The following RGS6 variants were observed in gnomAD, a reference collection of about 807,000 sequenced individuals.
RGS6 encodes regulator of G protein signaling 6, also known as regulator of G-protein signaling 6.
RGS6 carries 30 observed loss-of-function variants against 78.5 expected under a neutral mutation model. The ratio of observed to expected loss-of-function variants is 0.38; its 90% CI spans 0.29 to 0.52. RGS6 has a LOEUF of 0.52. Among genes scored for constraint, RGS6 ranks in the 20% least tolerant of loss-of-function variants. RGS6 has a pLI of 0.85. For missense variants in RGS6, 495 were observed against 609.7 expected (o/e 0.81, Z 1.98); for synonymous variants, 206 against 206.0 (o/e 1.00, Z 0.00).
rs540336961 is a variant in RGS6, at chr14:72,458,278, A to G, written c.243A>G (p.Ala81=). Residue 81 remains alanine, a synonymous_variant, in exon 5 of 18, where the codon GCA becomes GCG. Coordinates refer to ENST00000553525, the MANE Select transcript of RGS6 (RefSeq NM_001204424.2). ...KNLSIEDPVE[A]IHLGSLIAAQ... Reference sequence around the variant, plus strand: ...TATGCACTGTTCTTACAGTTGAAGCAATACACTTGGGGAGCCTTATCGCTG... The same window carrying G: ...TATGCACTGTTCTTACAGTTGAAGCGATACACTTGGGGAGCCTTATCGCTG... The G allele has an allele frequency of 2.0e-5, 32 of 1,613,076 alleles. No individual in the cohort carries two copies. The East Asian group carries it at 7.1e-4, about 36-fold the overall frequency.
intron 2 of RGS6, among the ~76,000 whole-genome samples, chr14:72,188,267 T>A (rs2097274898): frequency 6.6e-6 from 1 of 152,210 alleles, no homozygotes. Flanking sequence ...AAGTTATGTA[T>A]TTATCAGTTG....
chr14:72,029,797 A>C, intron 2 of RGS6, among the ~76,000 whole-genome samples: 1 of 152,218 alleles, frequency 6.6e-6, no homozygotes, highest in Non-Finnish European at 1.5e-5. Flanking sequence ...AGCTGGAGAC[A>C]GGAAGGTCAA....
intron 11 of RGS6, 121 bp from the exon 12 acceptor site, chr14:72,478,147 G>T: frequency 1.5e-6 from 1 of 680,406 alleles, no homozygotes; most frequent in Non-Finnish European, 2.7e-6. Context: ...GAGGGAGTTG[G>T]AGATGTCTGG....
chr14:72,111,518 A>G (rs979553228), intron 2 of RGS6, among the ~76,000 whole-genome samples: 2 of 152,210 alleles, frequency 1.3e-5, no homozygotes, highest in Non-Finnish European at 2.9e-5. Flanking sequence ...GATGAGTCAT[A>G]TGCCCAATCC....
At chr14:72,466,188 G>T (rs2095906418) in intron 7 of RGS6, among the ~76,000 whole-genome samples, 1 of 152,188 alleles carries the variant, frequency 6.6e-6, no homozygotes, top group Non-Finnish European at 1.5e-5. Context: ...GTGAGATACT[G>T]TTACATACCT....
chr14:72,362,824 T>C (rs1354634798), intron 3 of RGS6, among the ~76,000 whole-genome samples: 3 of 152,170 alleles, frequency 2.0e-5, no homozygotes, highest in African/African-American at 4.8e-5. Flanking sequence ...CATGTTGACA[T>C]TGGGAGACAC....
chr14:72,305,195 T>C (rs1198820268), intron 2 of RGS6, among the ~76,000 whole-genome samples: 7 of 152,264 alleles, frequency 4.6e-5, no homozygotes, highest in African/African-American at 7.2e-5. Flanking sequence ...TTTTCTATGA[T>C]ATGAAGTTGA....
chr14:72,065,843 A>T (rs1255318594), intron 2 of RGS6, among the ~76,000 whole-genome samples: 4 of 151,930 alleles, frequency 2.6e-5, no homozygotes, highest in African/African-American at 9.7e-5. Context: ...ACATATGTAT[A>T]CATGTGCCAT....
intron 13 of RGS6, among the ~76,000 whole-genome samples, chr14:72,495,901 G>A (rs1045353793): frequency 1.3e-5 from 2 of 152,188 alleles, no homozygotes; most frequent in African/African-American, 4.8e-5. Context: ...CCAAAGCCCA[G>A]AGGGACTTGG....
intron 2 of RGS6, among the ~76,000 whole-genome samples, chr14:72,287,270 C>G (rs955811865): frequency 6.6e-6 from 1 of 152,138 alleles, no homozygotes; most frequent in Non-Finnish European, 1.5e-5. Context: ...CAGAGATATT[C>G]TTACTTCTTT....
chr14:72,227,331 A>G (rs2048361944), intron 2 of RGS6, among the ~76,000 whole-genome samples: 1 of 152,252 alleles, frequency 6.6e-6, no homozygotes, highest in South Asian at 2.1e-4. Flanking sequence ...CCCAGGCTGG[A>G]CTTGAACTAC....
chr14:72,311,888 G>C (rs905162064), intron 2 of RGS6, among the ~76,000 whole-genome samples: 1 of 152,186 alleles, frequency 6.6e-6, no homozygotes, highest in Non-Finnish European at 1.5e-5. Context: ...ATTGCAAAGA[G>C]TTCTGCTCCC....
intron 2 of RGS6, among the ~76,000 whole-genome samples, chr14:72,046,364 A>C (rs2092836174): frequency 6.6e-6 from 1 of 152,164 alleles, no homozygotes; most frequent in South Asian, 2.1e-4. Context: ...TGGCAGCCTG[A>C]AACATTTTAT....
At chr14:72,032,830 T>C (rs1325725155) in intron 2 of RGS6, among the ~76,000 whole-genome samples, 1 of 152,204 alleles carries the variant, frequency 6.6e-6, no homozygotes, top group African/African-American at 2.4e-5. Flanking sequence ...TATATATATG[T>C]ATATCAAATT....
intron 2 of RGS6, among the ~76,000 whole-genome samples, chr14:72,182,412 A>G (rs938575181): frequency 1.4e-5 from 1 of 73,470 alleles, no homozygotes; most frequent in African/African-American, 5.9e-5. Context: ...GAGAGACTCC[A>G]TCTCAAAAAA....
chr14:71,904,559 A>G, the RGS6 span, among the ~76,000 whole-genome samples: 14 of 152,356 alleles, frequency 9.2e-5, no homozygotes, highest in East Asian at 1.7e-3. Context: ...TTGAGTTTAA[A>G]TGATGTTGTT....
At chr14:71,967,309 G>A (rs1326002265) in intron 2 of RGS6, among the ~76,000 whole-genome samples, 3 of 151,886 alleles carry the variant, frequency 2.0e-5, no homozygotes, top group African/African-American at 4.8e-5. Flanking sequence ...GTGAGCTCAG[G>A]TCCTGACACC....
the RGS6 span, among the ~76,000 whole-genome samples, chr14:71,897,799 G>A: frequency 4.6e-5 from 7 of 152,054 alleles, no homozygotes; most frequent in Admixed American, 1.3e-4. Flanking sequence ...GATTACAGGC[G>A]TGAGCCACCG....
chr14:72,362,921 G>T (rs547146297), intron 3 of RGS6, among the ~76,000 whole-genome samples: 2 of 152,332 alleles, frequency 1.3e-5, no homozygotes, highest in East Asian at 3.9e-4. Context: ...CCCAGGAAAA[G>T]TCATTCCACG....
Sources: gnomAD v4.1 joint callset for allele counts (sites outside exome capture counted in the v4.1 genomes callset) on GRCh38, gnomAD v4.1.1 for gene constraint, MANE v1.5 for transcripts, NCBI Gene and HGNC (gene_info 2026-07-23, HGNC 2026-07-21) for gene names.